The following GRIK2 variants were observed in gnomAD, a reference collection of about 807,000 sequenced individuals.
GRIK2 encodes glutamate receptor ionotropic, kainate 2.
Under a neutral mutation model 100.3 loss-of-function variants are expected in GRIK2, and 32 were observed. That is an observed-to-expected ratio of 0.32 (90% CI 0.24 to 0.43). The LOEUF (loss-of-function observed/expected upper bound fraction) is 0.43. Among genes scored for constraint, GRIK2 ranks in the 20% least tolerant of loss-of-function variants. GRIK2 has a pLI of 1.00. For missense variants in GRIK2, 843 were observed against 1,114.9 expected (o/e 0.76, Z 3.47); for synonymous variants, 417 against 389.4 (o/e 1.07, Z -0.83).
At chr6:101,866,032 A>G (rs1384032933) in intron 11 of GRIK2, among the ~76,000 whole-genome samples, 1 of 152,186 alleles carries the variant, frequency 6.6e-6, no homozygotes, top group African/African-American at 2.4e-5. Context: ...TAAAATCACA[A>G]GTATAAATTT....
chr6:101,646,912 T>G (rs1278116587), intron 4 of GRIK2, among the ~76,000 whole-genome samples: 1 of 151,888 alleles, frequency 6.6e-6, no homozygotes, highest in Non-Finnish European at 1.5e-5. Context: ...AAGAAAGAGA[T>G]ATAAAACATG....
In GRIK2 at chr6:101,541,429, C is replaced by A. The variant is rs1361720772; in HGVS notation, c.116-80520C>A. Among the ~76,000 whole-genome samples, 5 of 47,810 alleles carry A rather than the reference C, an allele frequency of 1.0e-4. No individual in the cohort carries two copies. In the East Asian group the frequency reaches 1.9e-3, roughly 18 times the overall value. The allele number at this position is 47,810 out of a possible 152,430, so 31.4% of individuals were successfully genotyped here. ...ACACACACACACACATACACACACA[C>A]TACACCCTTATACAAACCCAACCAA... On this transcript the variant is annotated intron_variant, in intron 2 of 16. Transcript: ENST00000369134.
chr6:101,733,708 C>CTTTTTTTTT lies in GRIK2; in HGVS notation c.951+47371_951+47379dup, dbSNP rs34438783. Among the ~76,000 whole-genome samples, 113 of 83,928 alleles carry CTTTTTTTTT rather than the reference C, an allele frequency of 1.3e-3. 1 individual carries two copies. Among genetic ancestry groups the CTTTTTTTTT allele is most frequent in the Non-Finnish European group, 1.8e-3 (75 of 41,956 alleles). The allele number at this position is 83,928 out of a possible 152,430, so 55.1% of individuals were successfully genotyped here. A position where few individuals can be genotyped will look rare whatever the true frequency, so the allele number is the denominator to read the frequency against. On this transcript the variant is annotated intron_variant, in intron 7 of 16. Coordinates refer to ENST00000369134, the MANE Select transcript of GRIK2 (RefSeq NM_021956.5). ...CAAATTCCTGATTTAATTCCTCTTT[C>CTTTTTTTTT]TTTTTTTTTTTTTTTTTTTTTTTTG... is the stretch of plus-strand genomic sequence containing the variant.
intron 2 of GRIK2, among the ~76,000 whole-genome samples, chr6:101,606,083 G>T (rs1371347730): frequency 1.3e-5 from 2 of 151,830 alleles, no homozygotes; most frequent in African/African-American, 4.8e-5. Flanking sequence ...CACAGATGAG[G>T]TCTCCAACTT....
chr6:101,618,604 A>G (rs117427164), intron 2 of GRIK2, among the ~76,000 whole-genome samples: 2,798 of 151,514 alleles, frequency 0.018, 48 homozygotes, highest in Non-Finnish European at 0.029. Flanking sequence ...ATGTGTTTGT[A>G]TTTTCTCGTA....
intron 3 of GRIK2, 128 bp from the exon 4 acceptor site, chr6:101,626,251 AT>A: frequency 1.2e-6 from 1 of 820,454 alleles, no homozygotes; most frequent in Non-Finnish European, 1.9e-6. Flanking sequence ...TGAAAAGTAG[AT>A]ATATATTTTT....
At chr6:101,829,354 T>G (rs1189823912) in intron 10 of GRIK2, among the ~76,000 whole-genome samples, 1 of 152,034 alleles carries the variant, frequency 6.6e-6, no homozygotes. Flanking sequence ...ATATCCACTC[T>G]CACCAGTTCT....
intron 14 of GRIK2, among the ~76,000 whole-genome samples, chr6:102,024,538 T>C (rs908001560): frequency 1.3e-5 from 2 of 151,148 alleles, no homozygotes; most frequent in Non-Finnish European, 3.0e-5. Flanking sequence ...GGTAGTAATA[T>C]TGAATGGTTC....
chr6:101,439,836 A>G (rs1336690589), intron 2 of GRIK2, among the ~76,000 whole-genome samples: 3 of 152,156 alleles, frequency 2.0e-5, no homozygotes, highest in Non-Finnish European at 2.9e-5. Context: ...ATACCTAGTT[A>G]TCTTGAACTT....
At chr6:101,692,787 G>C (rs1055931469) in intron 7 of GRIK2, among the ~76,000 whole-genome samples, 2 of 151,804 alleles carry the variant, frequency 1.3e-5, no homozygotes, top group Admixed American at 1.3e-4. Context: ...CCTTATTCTT[G>C]TTGTTACCAC....
chr6:101,652,332 A>G (rs568894323), intron 4 of GRIK2, among the ~76,000 whole-genome samples: 1 of 152,124 alleles, frequency 6.6e-6, no homozygotes, highest in Non-Finnish European at 1.5e-5. Context: ...CTCTCCTTCT[A>G]TCTGTGAGGA....
intron 2 of GRIK2, among the ~76,000 whole-genome samples, chr6:101,548,467 GT>G (rs1776355448): frequency 6.6e-6 from 1 of 152,156 alleles, no homozygotes; most frequent in South Asian, 2.1e-4. Context: ...TAACGTTTAA[GT>G]CTTTAATCCA....
intron 11 of GRIK2, among the ~76,000 whole-genome samples, chr6:101,876,792 G>A (rs1413019791): frequency 6.6e-6 from 1 of 151,822 alleles, no homozygotes; most frequent in African/African-American, 2.4e-5. Flanking sequence ...AAATCAATCA[G>A]TCATTGTGTA....
chr6:101,678,684 T>G (rs756990706), intron 5 of GRIK2, among the ~76,000 whole-genome samples: 3 of 152,142 alleles, frequency 2.0e-5, no homozygotes, highest in Non-Finnish European at 2.9e-5. Context: ...TCCTGAACAT[T>G]CACTGATGTT....
intron 14 of GRIK2, among the ~76,000 whole-genome samples, chr6:102,028,750 G>A (rs9498807): frequency 2.0e-5 from 3 of 150,852 alleles, no homozygotes. Context: ...TGTCAGGTAA[G>A]TTATAATCTT....
At chr6:101,568,666 A>G (rs1582735008) in intron 2 of GRIK2, among the ~76,000 whole-genome samples, 1 of 152,104 alleles carries the variant, frequency 6.6e-6, no homozygotes, top group Non-Finnish European at 1.5e-5. Flanking sequence ...TGTGCAATGC[A>G]AATGTCAACC....
intron 7 of GRIK2, among the ~76,000 whole-genome samples, chr6:101,696,917 C>T (rs1772531538): frequency 6.6e-6 from 1 of 151,942 alleles, no homozygotes; most frequent in Admixed American, 6.6e-5. Flanking sequence ...TATAGAATTT[C>T]ACACCAGTTT....
chr6:101,885,439 C>T (rs1786546796), intron 11 of GRIK2, among the ~76,000 whole-genome samples: 1 of 152,010 alleles, frequency 6.6e-6, no homozygotes, highest in Middle Eastern at 3.2e-3. Context: ...TCTTTGGAGC[C>T]ATACTTTCCT....
intron 2 of GRIK2, among the ~76,000 whole-genome samples, chr6:101,499,380 A>C (rs1773630332): frequency 6.6e-6 from 1 of 152,102 alleles, no homozygotes; most frequent in South Asian, 2.1e-4. Context: ...TTTTTTATTG[A>C]TATGTTAGTA....
Sources: gnomAD v4.1 joint callset for allele counts (sites outside exome capture counted in the v4.1 genomes callset) on GRCh38, gnomAD v4.1.1 for gene constraint, MANE v1.5 for transcripts, NCBI Gene and HGNC (gene_info 2026-07-23, HGNC 2026-07-21) for gene names.